The following KRABD3 variants were observed in gnomAD, a reference collection of about 807,000 sequenced individuals.
KRABD3 encodes KRAB domain-containing protein 3.
the KRABD3 span, among the ~76,000 whole-genome samples, chr7:149,723,301 G>A: frequency 6.6e-6 from 1 of 152,212 alleles, no homozygotes; most frequent in Non-Finnish European, 1.5e-5. Flanking sequence ...TGGAGGGGCC[G>A]GGGCACAGGT....
chr7:149,718,695 A>G, the KRABD3 span, among the ~76,000 whole-genome samples: 1 of 151,840 alleles, frequency 6.6e-6, no homozygotes, highest in Non-Finnish European at 1.5e-5. Context: ...TTGCATTTTT[A>G]GTAGAGACAA....
At chr7:149,723,763 C>G in the KRABD3 span, 1 of 1,613,656 alleles carries the variant, frequency 6.2e-7, no homozygotes, top group South Asian at 1.1e-5. Context: ...AGGGGATTGT[C>G]CCCTCCAGGG....
chr7:149,726,425 C>T, the KRABD3 span, among the ~76,000 whole-genome samples: 7 of 151,576 alleles, frequency 4.6e-5, no homozygotes, highest in African/African-American at 1.2e-4. Context: ...AGTAAGACTC[C>T]GTCTATACAG....
the KRABD3 span, chr7:149,719,630 C>A: frequency 1.2e-5 from 19 of 1,608,768 alleles, no homozygotes; most frequent in Non-Finnish European, 1.7e-6. The surrounding 1 kb of genome is among the most constrained non-coding windows in gnomAD (Gnocchi z 5.6). Context: ...GGAGTTCTAC[C>A]GAGACGTGAT....
chr7:149,724,604 G>A, the KRABD3 span: 1 of 1,359,484 alleles, frequency 7.4e-7, no homozygotes, highest in Non-Finnish European at 9.8e-7. Context: ...GATTCTCAGG[G>A]TGAGTCCAGG....
At chr7:149,722,998 T>C in the KRABD3 span, 3 of 1,461,940 alleles carry the variant, frequency 2.1e-6, no homozygotes, top group Non-Finnish European at 2.7e-6. Flanking sequence ...GAAGCTTGGT[T>C]TGCATTTCAA....
the KRABD3 span, among the ~76,000 whole-genome samples, chr7:149,720,595 G>A: frequency 1.5e-4 from 23 of 152,342 alleles, no homozygotes; most frequent in South Asian, 1.7e-3. Context: ...AGATTAATGA[G>A]TAACGTAGAA....
At chr7:149,728,747 G>C in the KRABD3 span, 3 of 1,505,228 alleles carry the variant, frequency 2.0e-6, no homozygotes, top group Non-Finnish European at 9.0e-7. Flanking sequence ...TGCACCTGTG[G>C]GCTCAGATCT....
the KRABD3 span, chr7:149,715,149 A>C: frequency 1.6e-6 from 2 of 1,229,590 alleles, no homozygotes; most frequent in Non-Finnish European, 2.0e-6. Context: ...ACCCCCCCGC[A>C]ACTTCGGGAT....
the KRABD3 span, chr7:149,719,368 C>T: frequency 1.7e-6 from 1 of 588,956 alleles, no homozygotes; most frequent in East Asian, 3.2e-5. The surrounding 1 kb of genome is among the most constrained non-coding windows in gnomAD (Gnocchi z 5.6). Context: ...CAGCGTGTCT[C>T]TGCAGAGACA....
At chr7:149,728,377 C>A in the KRABD3 span, 1 of 963,054 alleles carries the variant, frequency 1.0e-6, no homozygotes, top group Non-Finnish European at 1.5e-6. Context: ...AGGGCCGCGC[C>A]AGAGCCAGGA....
At chr7:149,721,735 GATGCTCAGCCCCTGGGGA>G in the KRABD3 span, 1 of 725,804 alleles carries the variant, frequency 1.4e-6, no homozygotes, top group East Asian at 2.7e-5. Context: ...GAGGAGGCAT[GATGCTCAGCCCCTGGGGA>G]GCCTGTCATC....
chr7:149,722,147 G>A, the KRABD3 span: 1 of 496,436 alleles, frequency 2.0e-6, no homozygotes, highest in Non-Finnish European at 3.7e-6. Context: ...GCGTGAGTGT[G>A]AGATTGTGGC....
At chr7:149,728,465 G>A in the KRABD3 span, 1 of 1,581,522 alleles carries the variant, frequency 6.3e-7, no homozygotes, top group Non-Finnish European at 8.6e-7. Flanking sequence ...GGGGGCTTCT[G>A]CAGTTTGCAG....
chr7:149,722,950 T>C, the KRABD3 span: 1 of 1,589,002 alleles, frequency 6.3e-7, no homozygotes, highest in Non-Finnish European at 8.5e-7. Context: ...GAGCCCGCCC[T>C]GGGCAGGTGA....
At chr7:149,720,693 C>G in the KRABD3 span, 1 of 900,160 alleles carries the variant, frequency 1.1e-6, no homozygotes. Context: ...TCCTCTATAT[C>G]TCATGGGACA....
chr7:149,721,555 G>T, the KRABD3 span: 6 of 1,608,494 alleles, frequency 3.7e-6, no homozygotes, highest in African/African-American at 4.0e-5. Flanking sequence ...ACACAGCAGG[G>T]ACAGGGAGAA....
At chr7:149,719,463 A>G in the KRABD3 span, 1 of 1,437,608 alleles carries the variant, frequency 7.0e-7, no homozygotes. This position sits in a 1 kb window ranked among gnomAD's most constrained non-coding sequence, Gnocchi z 5.6. Flanking sequence ...CTGGAGGCCT[A>G]GGTGGGGTTA....
the KRABD3 span, chr7:149,733,507 T>C: frequency 6.3e-7 from 1 of 1,588,406 alleles, no homozygotes; most frequent in Non-Finnish European, 8.6e-7. Context: ...TGGGCCAAGC[T>C]TCCTGGATGT....
Sources: gnomAD v4.1 joint callset for allele counts (sites outside exome capture counted in the v4.1 genomes callset) on GRCh38, gnomAD v4.1.1 for gene constraint, Gnocchi (gnomAD v3.1) non-coding constraint, MANE v1.5 for transcripts, NCBI Gene and HGNC (gene_info 2026-07-23, HGNC 2026-07-21) for gene names.